Variants in AKT1 observed in about 807,000 individuals in gnomAD.
The protein encoded by AKT1 is AKT serine/threonine kinase 1, also known as RAC-alpha serine/threonine-protein kinase.
A neutral mutation model predicts 63.1 loss-of-function variants in AKT1; 21 were observed. The ratio of observed to expected loss-of-function variants is 0.33; its 90% CI spans 0.24 to 0.48. The LOEUF is 0.48. Among genes scored for constraint, AKT1 ranks in the 20% least tolerant of loss-of-function variants. The pLI, the probability that AKT1 is intolerant of heterozygous loss-of-function variation, is 0.99. For missense variants in AKT1, 382 were observed against 666.0 expected (o/e 0.57, Z 4.69); for synonymous variants, 257 against 253.1 (o/e 1.02, Z -0.15).
At chr14:104,775,974 A>G in intron 5 of AKT1, 175 bp from the exon 6 acceptor site, 1 of 718,660 alleles carries the variant, frequency 1.4e-6, no homozygotes, top group Non-Finnish European at 2.2e-6. Flanking sequence ...AGGGTCACGA[A>G]GCCCTCTTGG....
chr14:104,772,185 G>A, intron 13 of AKT1, 180 bp downstream of exon 13: 3 of 664,992 alleles, frequency 4.5e-6, no homozygotes, highest in Non-Finnish European at 7.9e-6. Context: ...GGCAGTGCCA[G>A]AGCCTCTGAG....
At position 104,779,748 on chromosome 14, in the gene AKT1, G is replaced by A. The variant is rs1330230962; in HGVS notation, c.175+340C>T. On this transcript the variant is annotated intron_variant, in intron 4 of 14. Coordinates refer to ENST00000649815, the MANE Select transcript of AKT1 (RefSeq NM_001382430.1). Reference sequence around the variant, plus strand: ...CCTCGGCCTCGGGACTCGGACCAGAGACCCCCGCCCAGCCAGCCTCAGGAC... The same window carrying A: ...CCTCGGCCTCGGGACTCGGACCAGAAACCCCCGCCCAGCCAGCCTCAGGAC... Among the ~76,000 whole-genome samples the A allele has an allele frequency of 3.4e-3, 512 of 149,114 alleles. 4 individuals are homozygous for A. Among genetic ancestry groups the A allele is most frequent in the African/African-American group, 0.012 (491 of 39,708 alleles).
chr14:104,777,022 C>G, intron 4 of AKT1: 1 of 477,576 alleles, frequency 2.1e-6, no homozygotes, highest in Non-Finnish European at 3.8e-6. Flanking sequence ...CAGGTCAAAC[C>G]CCCACCATCG....
intron 5 of AKT1, chr14:104,776,067 C>G (rs866446218): frequency 5.1e-6 from 2 of 390,770 alleles, no homozygotes; most frequent in South Asian, 6.7e-5. Context: ...ACTCCGCCCC[C>G]CAGCAGGACT....
Position 104,770,860 on chromosome 14 carries a change from G to A in AKT1, c.1261-13C>T, listed in dbSNP as rs1347401759. On this transcript the variant is annotated splice_polypyrimidine_tract_variant and intron_variant, in intron 13 of 14. Transcript: ENST00000649815. The stretch of plus-strand genomic sequence containing the variant: ...AGGGTGGGCTGAGCTGCAGAGGTGG[G>A]CAGACGGGACAGTCATGAGCTTCGC... 2 of 1,611,858 alleles carry A rather than the reference G, an allele frequency of 1.2e-6. No individual in the cohort carries two copies. Among genetic ancestry groups the A allele is most frequent in the Admixed American group, 3.3e-5 (2 of 59,928 alleles).
intron 2 of AKT1, 144 bp downstream of exon 2, chr14:104,792,983 G>A (rs188914026): frequency 2.1e-6 from 1 of 468,672 alleles, no homozygotes; most frequent in Non-Finnish European, 3.9e-6. Context: ...CTTATTCTAG[G>A]CTTAGAGCCT....
chr14:104,784,072 C>T (rs977379598), intron 3 of AKT1, among the ~76,000 whole-genome samples: 2 of 152,204 alleles, frequency 1.3e-5, no homozygotes, highest in South Asian at 4.1e-4. Context: ...TGCCCCATGG[C>T]CGGTTCCCTC....
At chr14:104,793,068 T>G in intron 2 of AKT1, 59 bp downstream of exon 2, 3 of 251,652 alleles carry the variant, frequency 1.2e-5, no homozygotes, top group Non-Finnish European at 2.3e-5. Context: ...CATTCCCACC[T>G]CCCCCAGCCG....
At chr14:104,793,481 A>T (rs1002854378) in intron 1 of AKT1, 177 bp from the exon 2 acceptor site, 1 of 189,962 alleles carries the variant, frequency 5.3e-6, no homozygotes, top group African/African-American at 2.3e-5. Context: ...CATTTGGCCA[A>T]CATGTACCGG....
intron 3 of AKT1, among the ~76,000 whole-genome samples, chr14:104,780,933 G>A (rs1893001051): frequency 6.6e-6 from 1 of 152,136 alleles, no homozygotes. Context: ...CCAGGGCACA[G>A]AGGGTGCCAA....
Position 104,769,521 on chromosome 14 carries a change from G to A in AKT1, c.*820C>T, listed in dbSNP as rs567261290. 431 of 533,218 alleles carry A rather than the reference G, an allele frequency of 8.1e-4. 3 individuals are homozygous for A. The highest frequency in any genetic ancestry group is 5.5e-3 in the African/African-American group (297 of 53,804). 33.0% of individuals were successfully genotyped at this position (533,218 alleles called of 1,614,324 possible). A position where few individuals can be genotyped will look rare whatever the true frequency, so the allele number is the denominator to read the frequency against. Reference sequence around the variant, plus strand: ...GGATGGCCACCCCCACAGGGAGTCAGGGAGGGCCTGGGGCGACAGCGGAAA... The same window carrying A: ...GGATGGCCACCCCCACAGGGAGTCAAGGAGGGCCTGGGGCGACAGCGGAAA... On this transcript the variant is annotated 3_prime_UTR_variant, in exon 15 of 15. Coordinates refer to ENST00000649815, the MANE Select transcript of AKT1 (RefSeq NM_001382430.1).
intron 4 of AKT1, among the ~76,000 whole-genome samples, chr14:104,778,791 C>A (rs1566820016): frequency 1.3e-5 from 2 of 152,342 alleles, no homozygotes; most frequent in Non-Finnish European, 2.9e-5. Context: ...CGGAGGACCG[C>A]AGGCCTCAAA....
At position 104,775,764 on chromosome 14, in the gene AKT1, T is replaced by G. The variant is rs774745066; in HGVS notation, c.323A>C (p.Asp108Ala). The change falls in exon 6 of 15, where the codon GAC becomes GCC. Residue 108 changes from aspartate to alanine, a missense_variant. Transcript: ENST00000649815. Reference sequence around the variant, plus strand: ...CTCCTCCTCCTGCTTCTTGAGGCCGTCAGCCACAGTCTGGATGGCGGTTGT... The same window carrying G: ...CTCCTCCTCCTGCTTCTTGAGGCCGGCAGCCACAGTCTGGATGGCGGTTGT... ...EWTTAIQTVADGLKKQEEEEM... is the reference protein window; with the variant it reads ...EWTTAIQTVAAGLKKQEEEEM... 7 of 1,613,994 alleles carry G rather than the reference T, an allele frequency of 4.3e-6. No individual in the cohort carries two copies. In the South Asian group the frequency reaches 7.7e-5, roughly 18 times the overall value.
chr14:104,770,545 G>A (rs1272684056), intron 14 of AKT1, 125 bp from the exon 15 acceptor site: 4 of 1,074,078 alleles, frequency 3.7e-6, no homozygotes, highest in East Asian at 2.6e-5. Context: ...CCAGGAAACT[G>A]AGACAGGGCC....
In AKT1 at chr14:104,773,879, G is replaced by A. The variant is rs3730361; in HGVS notation, c.702+33C>T. The A allele has an allele frequency of 3.1e-3, 4,892 of 1,577,232 alleles. 120 individuals carry two copies. The African/African-American group carries it at 0.057, about 18-fold the overall frequency. On this transcript the variant is annotated intron_variant, in intron 9 of 14. Transcript: ENST00000649815. ...CCCCACCATGGGCGGCCCACAGGCCGCGAAGTCCATCCCCCGCAGCCCCAG... is the reference window on the plus strand; with the variant it reads ...CCCCACCATGGGCGGCCCACAGGCCACGAAGTCCATCCCCCGCAGCCCCAG...
rs1892255070 is a variant in AKT1 at position 104,769,495 on chromosome 14, G to C, written c.*846C>G. The C allele has an allele frequency of 5.7e-6, 3 of 528,136 alleles. No homozygotes were observed. Among genetic ancestry groups the C allele is most frequent in the Middle Eastern group, 4.5e-4 (1 of 2,204 alleles). The allele number at this position is 528,136 out of a possible 1,614,324, so 32.7% of individuals were successfully genotyped here. On this transcript the variant is annotated 3_prime_UTR_variant, in exon 15 of 15. Transcript: ENST00000649815. ...TGGCCAGGAGGCGTGGAGGGGCCCA[G>C]GGATGGCCACCCCCACAGGGAGTCA...
intron 13 of AKT1, 190 bp from the exon 14 acceptor site, chr14:104,771,037 G>A (rs1595239413): frequency 3.4e-6 from 2 of 595,398 alleles, no homozygotes; most frequent in African/African-American, 3.7e-5. Context: ...AGGGGTGCAG[G>A]AGCACGGAGA....
In AKT1 at chr14:104,787,055, G is replaced by A. The variant is rs574320061; in HGVS notation, c.46+5543C>T. Among the ~76,000 whole-genome samples, 5 of 152,192 alleles carry A rather than the reference G, an allele frequency of 3.3e-5. No individual in the cohort carries two copies. In the East Asian group the frequency reaches 5.8e-4, roughly 18 times the overall value. On this transcript the variant is annotated intron_variant, in intron 3 of 14. Coordinates refer to ENST00000649815, the MANE Select transcript of AKT1 (RefSeq NM_001382430.1). ...GGTGGGGTCTGCAGTCACCGGGCCC[G>A]CCTGGGGGGTGTGTGAGCCCAAACA...
At chr14:104,773,421 A>G (rs1449025463) in intron 10 of AKT1, 34 bp downstream of exon 10, 2 of 1,613,910 alleles carry the variant, frequency 1.2e-6, no homozygotes, top group Admixed American at 1.7e-5. Flanking sequence ...CCAGGCCCCC[A>G]GGGCCCTGCC....
Sources: allele counts gnomAD v4.1 joint callset (sites outside exome capture counted in the v4.1 genomes callset), GRCh38; gene constraint gnomAD v4.1.1; transcripts MANE v1.5; gene names NCBI Gene and HGNC (gene_info 2026-07-23, HGNC 2026-07-21).